NIPSNAP3B: variants seen among roughly 807,000 people sequenced by gnomAD.
NIPSNAP3B encodes nipsnap homolog 3B.
A neutral mutation model predicts 31.5 loss-of-function variants in NIPSNAP3B; 30 were observed. The observed-to-expected ratio is 0.95, with a 90% CI of 0.71 to 1.29. The LOEUF is 1.29. NIPSNAP3B is among the 50% of genes most tolerant of loss of function. The pLI, the probability that NIPSNAP3B is intolerant of heterozygous loss-of-function variation, is 0.00. For missense variants in NIPSNAP3B, 269 were observed against 300.7 expected (o/e 0.89, Z 0.78); for synonymous variants, 106 against 107.9 (o/e 0.98, Z 0.11).
the NIPSNAP3B span, chr9:104,787,693 G>C: frequency 1.2e-5 from 3 of 254,102 alleles, no homozygotes; most frequent in African/African-American, 6.9e-5. Context: ...ATCACGCTAA[G>C]AAACAAAGTG....
At chr9:104,785,396 T>C in the NIPSNAP3B span, 4 of 1,613,806 alleles carry the variant, frequency 2.5e-6, no homozygotes, top group Middle Eastern at 1.6e-4. Context: ...CAAAGCTTAC[T>C]TGGTCAAGTG....
rs1210060943 is a variant in NIPSNAP3B at position 104,777,692 on chromosome 9, C to T, written c.*4619C>T. ...AAACAGCAGAATCAAAAAGGAAGGG[C>T]ACGATGATGCCCAGGTGCAGCCTAT... On this transcript the variant is annotated 3_prime_UTR_variant, in exon 6 of 6. Coordinates refer to ENST00000374762, the MANE Select transcript of NIPSNAP3B (RefSeq NM_018376.4). Among the ~76,000 whole-genome samples the T allele has an allele frequency of 6.6e-6, 1 of 152,192 alleles. No homozygotes were observed. Among genetic ancestry groups the T allele is most frequent in the Admixed American group, 6.5e-5 (1 of 15,282 alleles).
Position 104,771,003 on chromosome 9 carries a change from A to G in NIPSNAP3B, c.580+5A>G, listed in dbSNP as rs377670145. Reference sequence around the variant, plus strand: ...AATATGGAGAACTCAACAGAGGTACAGTTGTCCATTTGTTCTATGAAGTTG... The same window carrying G: ...AATATGGAGAACTCAACAGAGGTACGGTTGTCCATTTGTTCTATGAAGTTG... On this transcript the variant is annotated splice_donor_5th_base_variant and intron_variant, in intron 4 of 5. Transcript: ENST00000374762. 8.1e-6 allele frequency: 13 copies of G among 1,613,208 alleles called. No homozygotes were observed. The South Asian group carries it at 9.9e-5, about 12-fold the overall frequency.
rs1414676367 is a variant in NIPSNAP3B, at chr9:104,769,450, T to C, written c.430+429T>C. ...GCCTGGGCGACAGAGCGAGACTCCG[T>C]CTCAAAAAAAAAAAAAAAAAAGAGA... On this transcript the variant is annotated intron_variant, in intron 3 of 5. Coordinates refer to ENST00000374762, the MANE Select transcript of NIPSNAP3B (RefSeq NM_018376.4). 6.4e-4 allele frequency among the ~76,000 whole-genome samples: 12 copies of C among 18,640 alleles called. No individual in the cohort carries two copies. In the Admixed American group the frequency reaches 0.012, roughly 19 times the overall value. The allele number at this position is 18,640 out of a possible 152,430, so 12.2% of individuals were successfully genotyped here.
intron 1 of NIPSNAP3B, among the ~76,000 whole-genome samples, chr9:104,765,103 C>G (rs929322238): frequency 1.3e-5 from 2 of 152,128 alleles, no homozygotes; most frequent in African/African-American, 4.8e-5. Flanking sequence ...AGGATAGTTG[C>G]AGGTATTTTT....
rs763269674 is a variant in NIPSNAP3B at position 104,766,482 on chromosome 9, G to T, written c.218G>T (p.Trp73Leu). The T allele has an allele frequency of 3.1e-6, 5 of 1,613,764 alleles. No individual in the cohort carries two copies. The South Asian group carries it at 5.5e-5, about 18-fold the overall frequency. Residue 73 changes from tryptophan (W) to leucine (L), a missense_variant, in exon 2 of 6, where the codon TGG becomes TTG. Transcript: ENST00000374762. ...TCTTACTCTGAATTGGTTGGATTCT[G>T]GAGTGTAGAATTTGGAGGCAGAACG... The part of the protein sequence containing the change: ...RTSYSELVGF[W>L]SVEFGGRTNK...
rs1293249241 is a variant in NIPSNAP3B, at chr9:104,775,027, A to G, written c.*1954A>G. 6.6e-6 allele frequency among the ~76,000 whole-genome samples: 1 copy of G among 151,602 alleles called. No homozygotes were observed. The highest frequency in any genetic ancestry group is 2.4e-5 in the African/African-American group (1 of 41,226). Reference sequence around the variant, plus strand: ...CACATGCCCTGCCTTCTCTCCTTTCACTGTGGATGAACCGCCCGTGCCCCA... The same window carrying G: ...CACATGCCCTGCCTTCTCTCCTTTCGCTGTGGATGAACCGCCCGTGCCCCA... On this transcript the variant is annotated 3_prime_UTR_variant, in exon 6 of 6. Coordinates refer to ENST00000374762, the MANE Select transcript of NIPSNAP3B (RefSeq NM_018376.4).
At chr9:104,767,133 A>G (rs1447032837) in intron 2 of NIPSNAP3B, among the ~76,000 whole-genome samples, 2 of 151,970 alleles carry the variant, frequency 1.3e-5, no homozygotes, top group Non-Finnish European at 2.9e-5. Flanking sequence ...TAATTCACCC[A>G]TTTGGGAGCT....
intron 4 of NIPSNAP3B, among the ~76,000 whole-genome samples, chr9:104,771,762 T>C (rs554453319): frequency 3.3e-5 from 5 of 152,330 alleles, no homozygotes; most frequent in Admixed American, 3.3e-4. Flanking sequence ...GATTGTTGGG[T>C]CGAATGGCAG....
chr9:104,787,084 C>T, the NIPSNAP3B span: 2 of 858,716 alleles, frequency 2.3e-6, no homozygotes, highest in South Asian at 3.6e-5. Context: ...TTTTAACTTG[C>T]CATTCTAGTT....
chr9:104,765,019 A>G (rs150444925), intron 1 of NIPSNAP3B, among the ~76,000 whole-genome samples: 1 of 152,320 alleles, frequency 6.6e-6, no homozygotes, highest in African/African-American at 2.4e-5. Flanking sequence ...ATATTTTTAA[A>G]CTGTAGATAC....
downstream of NIPSNAP3B, chr9:104,781,871 C>G (rs1828566937): frequency 6.6e-6 from 1 of 152,364 alleles, no homozygotes; most frequent in Non-Finnish European, 1.5e-5. Context: ...GTAAAAATTT[C>G]TACCACAATT....
chr9:104,786,706 A>G, the NIPSNAP3B span, among the ~76,000 whole-genome samples: 4 of 152,254 alleles, frequency 2.6e-5, no homozygotes, highest in African/African-American at 9.6e-5. Context: ...AAAGAGCAGT[A>G]TTTATACTGG....
the NIPSNAP3B span, chr9:104,784,402 G>C: frequency 6.2e-7 from 1 of 1,614,112 alleles, no homozygotes; most frequent in Non-Finnish European, 8.5e-7. Context: ...TGTGTAATGA[G>C]AGGTCTTTTA....
the NIPSNAP3B span, chr9:104,785,477 G>A: frequency 6.2e-6 from 10 of 1,613,692 alleles, no homozygotes; most frequent in African/African-American, 1.3e-4. Flanking sequence ...TGAATATCCT[G>A]GCCAGAGAAG....
At chr9:104,786,156 T>C in the NIPSNAP3B span, 2 of 738,252 alleles carry the variant, frequency 2.7e-6, no homozygotes, top group Non-Finnish European at 4.6e-6. Context: ...CAGTTCGGAC[T>C]TCAAAGCCCT....
the NIPSNAP3B span, among the ~76,000 whole-genome samples, chr9:104,790,051 G>A: frequency 4.0e-4 from 60 of 151,504 alleles, no homozygotes; most frequent in African/African-American, 1.1e-3. Flanking sequence ...AGCCAAGGTC[G>A]CGCCATTGCT....
chr9:104,789,939 CA>C, the NIPSNAP3B span, among the ~76,000 whole-genome samples: 1 of 151,952 alleles, frequency 6.6e-6, no homozygotes, highest in South Asian at 2.1e-4. Context: ...ACTGAAAATA[CA>C]AAAAAATTAG....
chr9:104,784,324 G>C, the NIPSNAP3B span: 1 of 1,614,074 alleles, frequency 6.2e-7, no homozygotes, highest in Non-Finnish European at 8.5e-7. Flanking sequence ...TTCATACATA[G>C]CTTTCTTTCA....
Sources: gnomAD v4.1 joint callset for allele counts (sites outside exome capture counted in the v4.1 genomes callset) on GRCh38, gnomAD v4.1.1 for gene constraint, MANE v1.5 for transcripts, NCBI Gene and HGNC (gene_info 2026-07-23, HGNC 2026-07-21) for gene names.